RELN: variants seen among roughly 807,000 people sequenced by gnomAD.
RELN encodes reelin.
In RELN, 108 loss-of-function variants were observed where a neutral mutation model predicts 427.6. The ratio of observed to expected loss-of-function variants is 0.25; its 90% confidence interval spans 0.22 to 0.30. The LOEUF (loss-of-function observed/expected upper bound fraction) is 0.30, where lower values mean the gene tolerates loss of function less well. RELN is among the 10% of genes least tolerant of loss of function. The pLI is 1.00. For synonymous variants in RELN, 1,524 were observed against 1,513.4 expected (o/e 1.01, Z -0.16); for missense variants, 3,715 against 4,302.8 (o/e 0.86, Z 3.82).
intron 50 of RELN, chr7:103,513,012 A>G (rs1397069818): frequency 6.6e-6 from 1 of 152,188 alleles, no homozygotes; most frequent in African/African-American, 2.4e-5. Flanking sequence ...CTGCAATTCC[A>G]TTATCTGTTT....
intron 16 of RELN, among the ~76,000 whole-genome samples, chr7:103,642,630 A>C (rs1295990384): frequency 6.6e-6 from 1 of 152,112 alleles, no homozygotes; most frequent in East Asian, 1.9e-4. Flanking sequence ...ACACTTTCTG[A>C]ACTAAAATTG....
chr7:103,902,703 C>T (rs1795109585), intron 2 of RELN, among the ~76,000 whole-genome samples: 1 of 152,070 alleles, frequency 6.6e-6, no homozygotes, highest in Admixed American at 6.6e-5. Flanking sequence ...GCCTACATGT[C>T]TATTATGCTA....
At chr7:103,658,276 C>T (rs757523133) in intron 12 of RELN, among the ~76,000 whole-genome samples, 34 of 152,178 alleles carry the variant, frequency 2.2e-4, no homozygotes, top group Non-Finnish European at 4.6e-4. Context: ...GAACCAAGGG[C>T]AGAACATATA....
intron 6 of RELN, among the ~76,000 whole-genome samples, chr7:103,745,999 C>A (rs1790814606): frequency 6.6e-6 from 1 of 152,084 alleles, no homozygotes; most frequent in African/African-American, 2.4e-5. Context: ...AGGCATCACG[C>A]TACCTGACTT....
At chr7:103,946,745 C>T (rs1266735388) in intron 1 of RELN, among the ~76,000 whole-genome samples, 2 of 152,206 alleles carry the variant, frequency 1.3e-5, no homozygotes, top group Non-Finnish European at 1.5e-5. Flanking sequence ...TGGAGGAGAA[C>T]GTGATTGTAA....
chr7:103,579,402 T>A (rs1584313825), intron 28 of RELN, among the ~76,000 whole-genome samples: 1 of 152,008 alleles, frequency 6.6e-6, no homozygotes, highest in African/African-American at 2.4e-5. Flanking sequence ...AGTTCGAGAC[T>A]AGCCTGGCCA....
At chr7:103,767,917 C>A (rs945166132) in intron 4 of RELN, among the ~76,000 whole-genome samples, 6 of 152,162 alleles carry the variant, frequency 3.9e-5, no homozygotes, top group Non-Finnish European at 8.8e-5. Flanking sequence ...CAGCTGTATG[C>A]TCTTTCCCTG....
rs558685813 is a variant in RELN, at chr7:103,727,220, A to C, written c.753+891T>G. On this transcript the variant is annotated intron_variant, in intron 7 of 64. Transcript: ENST00000428762. ...GATTTTGAAACACAATTGTGACAGA[A>C]GGGTGAAAAATACAACCTATTACTA... 3.3e-5 allele frequency among the ~76,000 whole-genome samples: 5 copies of C among 152,248 alleles called. No individual in the cohort carries two copies. In the South Asian group the frequency reaches 1.0e-3, roughly 32 times the overall value.
intron 3 of RELN, among the ~76,000 whole-genome samples, chr7:103,802,570 A>G (rs1792495606): frequency 6.6e-6 from 1 of 152,184 alleles, no homozygotes; most frequent in Admixed American, 6.6e-5. Flanking sequence ...CACAAATTCA[A>G]GATACCCAAA....
chr7:103,802,419 A>T (rs1792490441), intron 3 of RELN, among the ~76,000 whole-genome samples: 1 of 152,206 alleles, frequency 6.6e-6, no homozygotes, highest in East Asian at 1.9e-4. Flanking sequence ...CACAGTTAAA[A>T]GGATTATTAC....
rs554328423 is a variant in RELN, at chr7:103,489,695, G to T, written c.9763+47C>A. ...TTTTGTATATATGTTAAGATGAGGA[G>T]AACCTCTTGGTCTCCTCTATCAAAG... On this transcript the variant is annotated intron_variant, in intron 60 of 64. Coordinates refer to ENST00000428762, the MANE Select transcript of RELN (RefSeq NM_005045.4). 5 of 1,604,660 alleles carry T rather than the reference G, an allele frequency of 3.1e-6. No homozygotes were observed. In the Middle Eastern group the frequency reaches 5.0e-4, roughly 159 times the overall value.
intron 4 of RELN, among the ~76,000 whole-genome samples, chr7:103,762,042 C>A (rs1042678636): frequency 6.6e-6 from 1 of 151,878 alleles, no homozygotes; most frequent in African/African-American, 2.4e-5. Flanking sequence ...GTCTATTCTT[C>A]TTTTCTTTAT....
intron 6 of RELN, among the ~76,000 whole-genome samples, chr7:103,746,894 C>G (rs940675665): frequency 2.6e-5 from 4 of 152,140 alleles, no homozygotes; most frequent in Admixed American, 2.6e-4. Context: ...TACCATTTGA[C>G]CCAGCCATCC....
At chr7:103,717,232 T>C (rs1010183409) in intron 8 of RELN, among the ~76,000 whole-genome samples, 3 of 151,464 alleles carry the variant, frequency 2.0e-5, no homozygotes, top group South Asian at 4.1e-4. Context: ...TATTCTCTTT[T>C]ATTACTTAAG....
chr7:103,475,120 T>A (rs1359623020), intron 64 of RELN, among the ~76,000 whole-genome samples: 1 of 152,226 alleles, frequency 6.6e-6, no homozygotes, highest in Non-Finnish European at 1.5e-5. Context: ...CCTTGAGTCC[T>A]TTCTACCCGC....
chr7:103,724,348 A>AAATGAGTG lies in RELN; in HGVS notation c.754-1165_754-1158dup, dbSNP rs892257975. 3.9e-5 allele frequency among the ~76,000 whole-genome samples: 6 copies of AAATGAGTG among 152,312 alleles called. 2 individuals are homozygous for AAATGAGTG. The highest frequency in any genetic ancestry group is 1.4e-4 in the African/African-American group (6 of 41,578). Reference sequence around the variant, plus strand: ...TATACAATTCATGAAGAGCTGTAGGAAATGAGTGAGCAAGCCTCTTGCTCT... The same window carrying AAATGAGTG: ...TATACAATTCATGAAGAGCTGTAGGAAATGAGTGAATGAGTGAGCAAGCCTCTTGCTCT... On this transcript the variant is annotated intron_variant, in intron 7 of 64. Coordinates refer to ENST00000428762, the MANE Select transcript of RELN (RefSeq NM_005045.4).
In RELN at chr7:103,890,198, C is replaced by CT. The variant is rs5886284; in HGVS notation, c.337+26876dup. ...CTTGGATCTGCATAGGCACTCTGAA[C>CT]TTTTTTTTTTTTTTTTAAGGTTTTT... On this transcript the variant is annotated intron_variant, in intron 2 of 64. Transcript: ENST00000428762. 1.7e-3 allele frequency among the ~76,000 whole-genome samples: 258 copies of CT among 148,730 alleles called. 2 individuals carry two copies. Among genetic ancestry groups the CT allele is most frequent in the African/African-American group, 5.7e-3 (230 of 40,450 alleles).
chr7:103,794,438 A>G (rs1321447822), intron 3 of RELN, among the ~76,000 whole-genome samples: 2 of 152,176 alleles, frequency 1.3e-5, no homozygotes, highest in African/African-American at 4.8e-5. Flanking sequence ...TTTGGTAAGG[A>G]TTAAACTTTA....
At chr7:103,806,251 A>G (rs1792596496) in intron 3 of RELN, among the ~76,000 whole-genome samples, 1 of 152,160 alleles carries the variant, frequency 6.6e-6, no homozygotes, top group African/African-American at 2.4e-5. Context: ...GAGGGACTTC[A>G]GCTTAGTCCA....
Sources: allele counts gnomAD v4.1 joint callset (sites outside exome capture counted in the v4.1 genomes callset), GRCh38; gene constraint gnomAD v4.1.1; transcripts MANE v1.5; gene names NCBI Gene and HGNC (gene_info 2026-07-23, HGNC 2026-07-21).